CD109: variants seen among roughly 807,000 people sequenced by gnomAD.
CD109 encodes CD109 antigen.
Under a neutral mutation model 165.8 loss-of-function variants are expected in CD109, and 149 were observed. That is an observed-to-expected ratio of 0.90 (90% CI 0.79 to 1.03). The LOEUF (loss-of-function observed/expected upper bound fraction) is 1.03, where lower values mean the gene tolerates loss of function less well. Among genes scored for constraint, CD109 ranks in the 50% least tolerant of loss-of-function variants. CD109 has a pLI of 0.00. For synonymous variants in CD109, 585 were observed against 592.1 expected (o/e 0.99, Z 0.18); for missense variants, 1,712 against 1,677.8 (o/e 1.02, Z -0.36).
At chr6:73,686,674 CA>C in the CD109 span, among the ~76,000 whole-genome samples, 3 of 152,020 alleles carry the variant, frequency 2.0e-5, no homozygotes, top group Non-Finnish European at 4.4e-5. Context: ...TTCAATTTCT[CA>C]GTTATATCAG....
intron 26 of CD109, among the ~76,000 whole-genome samples, chr6:73,808,812 GT>G (rs1775660707): frequency 1.1e-5 from 1 of 90,960 alleles, no homozygotes; most frequent in East Asian, 2.9e-4. Context: ...CCAGGTGTGT[GT>G]GTGTGTGTGT....
intron 2 of CD109, among the ~76,000 whole-genome samples, chr6:73,700,590 A>G (rs1389021050): frequency 1.3e-5 from 2 of 152,118 alleles, no homozygotes; most frequent in Non-Finnish European, 2.9e-5. Flanking sequence ...AATAGTAATA[A>G]CTAAATTGTT....
At chr6:73,781,910 T>G (rs1203568832) in intron 17 of CD109, among the ~76,000 whole-genome samples, 4 of 151,600 alleles carry the variant, frequency 2.6e-5, no homozygotes, top group Non-Finnish European at 4.4e-5. Context: ...CCAAATAGAG[T>G]TGGCTGCCAA....
At chr6:73,741,668 G>C (rs1309467093) in intron 5 of CD109, among the ~76,000 whole-genome samples, 1 of 151,732 alleles carries the variant, frequency 6.6e-6, no homozygotes, top group African/African-American at 2.4e-5. Context: ...TGGTTTTTTT[G>C]TTTTGTTTTG....
intron 23 of CD109, among the ~76,000 whole-genome samples, chr6:73,797,963 C>T (rs945164386): frequency 1.3e-5 from 2 of 152,172 alleles, no homozygotes; most frequent in African/African-American, 4.8e-5. Flanking sequence ...AAAGGTGATA[C>T]TCTTATTTCT....
At chr6:73,687,462 A>C in the CD109 span, among the ~76,000 whole-genome samples, 8,680 of 76,280 alleles carry the variant, frequency 0.11, 601 homozygotes, top group African/African-American at 0.29. Context: ...CCCCTTCCCT[A>C]CCCTCCCCTC....
intron 26 of CD109, among the ~76,000 whole-genome samples, chr6:73,809,044 G>T (rs1298542873): frequency 6.6e-6 from 1 of 152,090 alleles, no homozygotes; most frequent in African/African-American, 2.4e-5. Context: ...ATTGCTTAGA[G>T]GCTGAAGCAG....
intron 2 of CD109, among the ~76,000 whole-genome samples, chr6:73,701,062 A>G (rs145208317): frequency 1.1e-3 from 166 of 150,582 alleles, no homozygotes; most frequent in African/African-American, 3.7e-3. Context: ...CGGCCTCCCA[A>G]AGTGCTAGGA....
intron 17 of CD109, 105 bp from the exon 18 acceptor site, chr6:73,782,509 T>C: frequency 9.2e-7 from 1 of 1,087,554 alleles, no homozygotes; most frequent in Non-Finnish European, 1.3e-6. Context: ...TGGCACATTA[T>C]GTCTCTGGAC....
intron 2 of CD109, among the ~76,000 whole-genome samples, chr6:73,702,427 T>G (rs1771118456): frequency 6.6e-6 from 1 of 152,188 alleles, no homozygotes; most frequent in Admixed American, 6.5e-5. Flanking sequence ...GTAGATTAAT[T>G]AGTGTAGTGT....
intron 2 of CD109, among the ~76,000 whole-genome samples, chr6:73,717,611 CTTTT>C (rs779915655): frequency 4.0e-5 from 3 of 74,810 alleles, no homozygotes; most frequent in African/African-American, 1.6e-4. Context: ...TCTACTGATT[CTTTT>C]TTTTTTTTTT....
chr6:73,792,823 C>T, intron 23 of CD109, 21 bp downstream of exon 23: 3 of 1,575,620 alleles, frequency 1.9e-6, no homozygotes. Context: ...TAGAGACCTA[C>T]ATTTGTTCGT....
chr6:73,772,669 A>AT (rs1460226890), intron 15 of CD109, among the ~76,000 whole-genome samples: 2 of 151,946 alleles, frequency 1.3e-5, no homozygotes, highest in African/African-American at 4.8e-5. Context: ...TAGTCATTTG[A>AT]TTTTTATTTA....
rs191567392 is a variant in CD109 at position 73,792,623 on chromosome 6, C to G, written c.2702-3C>G. Reference sequence around the variant, plus strand: ...GAATGAACTGCATGTCTTGTGCTTCCAGGAGATGTTCTTGGTCCTTCCATC... The same window carrying G: ...GAATGAACTGCATGTCTTGTGCTTCGAGGAGATGTTCTTGGTCCTTCCATC... On this transcript the variant is annotated splice_polypyrimidine_tract_variant and splice_region_variant and intron_variant, in intron 22 of 32. Transcript: ENST00000287097. The G allele has an allele frequency of 8.3e-5, 134 of 1,612,212 alleles. No individual in the cohort carries two copies. The Admixed American group carries it at 2.2e-3, about 26-fold the overall frequency.
the CD109 span, among the ~76,000 whole-genome samples, chr6:73,690,520 G>T: frequency 6.6e-6 from 1 of 152,256 alleles, no homozygotes; most frequent in African/African-American, 2.4e-5. Flanking sequence ...TCCTGCCTCA[G>T]CCTCCTGAGT....
chr6:73,796,142 C>T (rs1409712063), intron 23 of CD109, among the ~76,000 whole-genome samples: 1 of 152,198 alleles, frequency 6.6e-6, no homozygotes, highest in Non-Finnish European at 1.5e-5. Flanking sequence ...GGCTTCCTGA[C>T]TAGTCTTTTT....
upstream of CD109, among the ~76,000 whole-genome samples, chr6:73,692,005 C>T (rs531140987): frequency 2.0e-5 from 3 of 151,742 alleles, no homozygotes; most frequent in East Asian, 1.9e-4. Flanking sequence ...TGTATGGGCT[C>T]GTGGTATCTT....
At chr6:73,740,022 C>G (rs955435936) in intron 5 of CD109, among the ~76,000 whole-genome samples, 1 of 152,108 alleles carries the variant, frequency 6.6e-6, no homozygotes, top group African/African-American at 2.4e-5. Context: ...GTATGTGCCA[C>G]TACGCCTGCC....
chr6:73,688,331 A>G, the CD109 span, among the ~76,000 whole-genome samples: 12 of 152,308 alleles, frequency 7.9e-5, 1 homozygote, highest in Admixed American at 7.8e-4. Context: ...TAGGAGTGCT[A>G]GGAGAATCTT....
Sources: gnomAD v4.1 joint callset for allele counts (sites outside exome capture counted in the v4.1 genomes callset) on GRCh38, gnomAD v4.1.1 for gene constraint, MANE v1.5 for transcripts, NCBI Gene and HGNC (gene_info 2026-07-23, HGNC 2026-07-21) for gene names.